ESF1: variants seen among roughly 807,000 people sequenced by gnomAD.
The protein encoded by ESF1 is ESF1 nucleolar pre-rRNA processing protein, also known as ESF1 homolog.
ESF1 carries 58 observed loss-of-function variants against 92.0 expected under a neutral mutation model. The ratio of observed to expected loss-of-function variants is 0.63; its 90% CI spans 0.51 to 0.78. The LOEUF (loss-of-function observed/expected upper bound fraction) is 0.78, where lower values mean the gene tolerates loss of function less well. ESF1 is among the 30% of genes least tolerant of loss of function. The probability of loss-of-function intolerance (pLI) is 0.00; values close to 1 mark genes in which losing one functional copy is unlikely to be tolerated. For synonymous variants in ESF1, 321 were observed against 313.7 expected (o/e 1.02, Z -0.24); for missense variants, 922 against 989.1 (o/e 0.93, Z 0.91).
At chr20:13,773,245 T>C (rs1370031079) in intron 4 of ESF1, among the ~76,000 whole-genome samples, 1 of 152,210 alleles carries the variant, frequency 6.6e-6, no homozygotes, top group Non-Finnish European at 1.5e-5. Context: ...AATATACATT[T>C]GTTAATGAAC....
In ESF1 at chr20:13,715,063, G is replaced by GA; in HGVS notation, c.2366dup (p.Leu790ProfsTer2). 1 of 1,613,658 alleles carries GA rather than the reference G, an allele frequency of 6.2e-7. No homozygotes were observed. The highest frequency in any genetic ancestry group is 8.5e-7 in the Non-Finnish European group (1 of 1,179,962). ...CTCTTTGCCGGGCCTTCTCCTCAAG[G>GA]ATTTTTTCCATAGCTTTTGTTTTCT... On this transcript the variant is annotated frameshift_variant, in exon 14 of 14. Transcript: ENST00000617257. LOFTEE classifies it high-confidence loss of function.
intron 2 of ESF1, 135 bp downstream of exon 2, chr20:13,782,369 C>T: frequency 1.4e-6 from 1 of 700,560 alleles, no homozygotes; most frequent in Non-Finnish European, 2.1e-6. Flanking sequence ...TCTTTTATAG[C>T]TTTGTATTTC....
chr20:13,770,199 T>C (rs536850884), intron 6 of ESF1, among the ~76,000 whole-genome samples, 178 bp from the exon 7 acceptor site: 9 of 152,354 alleles, frequency 5.9e-5, no homozygotes, highest in African/African-American at 1.9e-4. Flanking sequence ...TTTGTATAAA[T>C]TTCTGAAATT....
chr20:13,775,953 T>C lies in ESF1; in HGVS notation c.955A>G (p.Thr319Ala). ...GATTCTTCTGGAAACAAATCTGCCGTATCATCTTCATCTTCAGAACTAGTT... is the reference window on the plus strand; with the variant it reads ...GATTCTTCTGGAAACAAATCTGCCGCATCATCTTCATCTTCAGAACTAGTT... The part of the protein sequence containing the change: ...IETSSEDEDD[T>A]ADLFPEESGF... The change falls in exon 3 of 14, where the codon ACG becomes GCG. Residue 319 changes from threonine to alanine, a missense_variant. Coordinates refer to ENST00000617257, the MANE Select transcript of ESF1 (RefSeq NM_001276380.2). 1 of 1,613,830 alleles carries C rather than the reference T, an allele frequency of 6.2e-7. No homozygotes were observed. Among genetic ancestry groups the C allele is most frequent in the Non-Finnish European group, 8.5e-7 (1 of 1,179,876 alleles).
At chr20:13,757,848 G>A (rs2147759303) in intron 9 of ESF1, among the ~76,000 whole-genome samples, 1 of 152,252 alleles carries the variant, frequency 6.6e-6, no homozygotes, top group South Asian at 2.1e-4. Flanking sequence ...TTTTAGATCT[G>A]CTTTCTCAGA....
At chr20:13,741,315 A>C (rs2050012022) in intron 9 of ESF1, among the ~76,000 whole-genome samples, 1 of 151,072 alleles carries the variant, frequency 6.6e-6, no homozygotes, top group African/African-American at 2.4e-5. Flanking sequence ...AGTCCTTTCA[A>C]TTGTTGCTTT....
chr20:13,782,600 G>C lies in ESF1; in HGVS notation c.541C>G (p.Leu181Val), dbSNP rs773208667. 6.3e-7 allele frequency: 1 copy of C among 1,596,884 alleles called. No individual in the cohort carries two copies. The highest frequency in any genetic ancestry group is 8.5e-7 in the Non-Finnish European group (1 of 1,175,874). ...NIVQHTTDSSLEEKQRTLDSG... is the reference protein window; with the variant it reads ...NIVQHTTDSSVEEKQRTLDSG... ...TCTAATGTCCTTTGTTTTTCTTCGA[G>C]AGAAGAGTCTGTAGTATGTTGAACA... The change falls in exon 2 of 14, where the codon CTC becomes GTC. Residue 181 changes from leucine (L) to valine (V), a missense_variant. Transcript: ENST00000617257.
intron 8 of ESF1, 108 bp from the exon 9 acceptor site, chr20:13,759,961 C>T (rs1979084973): frequency 1.4e-6 from 2 of 1,406,562 alleles, no homozygotes; most frequent in Non-Finnish European, 1.8e-6. Context: ...CACAGGATAT[C>T]AAAATCAGAC....
intron 10 of ESF1, among the ~76,000 whole-genome samples, chr20:13,729,469 T>A (rs2049927164): frequency 6.6e-6 from 1 of 152,192 alleles, no homozygotes; most frequent in Non-Finnish European, 1.5e-5. Context: ...GACAAAGTGA[T>A]GCAGACATTT....
At chr20:13,746,708 A>G (rs2050051647) in intron 9 of ESF1, among the ~76,000 whole-genome samples, 1 of 152,174 alleles carries the variant, frequency 6.6e-6, no homozygotes, top group South Asian at 2.1e-4. Context: ...TACAACCTAA[A>G]CAGCATTTCT....
chr20:13,717,592 A>G, intron 12 of ESF1, 78 bp from the exon 13 acceptor site: 1 of 1,508,800 alleles, frequency 6.6e-7, no homozygotes, highest in Non-Finnish European at 9.0e-7. Context: ...AGGGCAGAAG[A>G]TATCTCTTCT....
At chr20:13,753,286 C>CTTAG (rs1471301115) in intron 9 of ESF1, among the ~76,000 whole-genome samples, 6 of 151,602 alleles carry the variant, frequency 4.0e-5, no homozygotes, top group Non-Finnish European at 8.8e-5. Context: ...TTCACTAAAA[C>CTTAG]TTAGCTCTCT....
chr20:13,748,597 T>A (rs1226961251), intron 9 of ESF1, among the ~76,000 whole-genome samples: 283 of 83,220 alleles, frequency 3.4e-3, no homozygotes, highest in South Asian at 6.9e-3. Flanking sequence ...TATATATTTT[T>A]TTTTTTTTGA....
At chr20:13,760,692 C>T (rs1011415384) in intron 8 of ESF1, among the ~76,000 whole-genome samples, 1 of 151,792 alleles carries the variant, frequency 6.6e-6, no homozygotes, top group African/African-American at 2.4e-5. Flanking sequence ...AGGCCAGCCG[C>T]CCCGTCTGGG....
intron 6 of ESF1, 123 bp from the exon 7 acceptor site, chr20:13,770,144 G>A: frequency 1.7e-6 from 1 of 584,890 alleles, no homozygotes; most frequent in Non-Finnish European, 3.0e-6. Context: ...ACGTTTAAGA[G>A]ACAATGTTAG....
chr20:13,720,272 T>C (rs1356640568), intron 11 of ESF1, among the ~76,000 whole-genome samples: 1 of 152,058 alleles, frequency 6.6e-6, no homozygotes, highest in Non-Finnish European at 1.5e-5. Flanking sequence ...TAACTACCCA[T>C]GAGAGCCAAG....
chr20:13,731,298 G>A (rs1352147313), intron 10 of ESF1, among the ~76,000 whole-genome samples: 3 of 152,012 alleles, frequency 2.0e-5, no homozygotes, highest in East Asian at 1.9e-4. Flanking sequence ...TTGGGAGGCC[G>A]AGGCGGGAGG....
At chr20:13,716,678 TTGCCCA>T (rs2049828284) in intron 13 of ESF1, among the ~76,000 whole-genome samples, 2 of 150,202 alleles carry the variant, frequency 1.3e-5, no homozygotes, top group Non-Finnish European at 3.0e-5. Flanking sequence ...TCTTGTTCTG[TTGCCCA>T]GGCTGGAGTG....
At chr20:13,767,040 C>T in intron 7 of ESF1, 116 bp from the exon 8 acceptor site, 2 of 932,524 alleles carry the variant, frequency 2.1e-6, no homozygotes, top group South Asian at 1.8e-5. Context: ...AGTTAAGACA[C>T]ATTAAAACAA....
Sources: gnomAD v4.1 joint callset for allele counts (sites outside exome capture counted in the v4.1 genomes callset) on GRCh38, gnomAD v4.1.1 for gene constraint, MANE v1.5 for transcripts, NCBI Gene and HGNC (gene_info 2026-07-23, HGNC 2026-07-21) for gene names.